Variants in KAZN observed in about 807,000 individuals in gnomAD.
KAZN encodes the protein kazrin.
A neutral mutation model predicts 87.4 loss-of-function variants in KAZN; 40 were observed. That is an observed-to-expected ratio of 0.46 (90% confidence interval 0.36 to 0.60). The LOEUF (loss-of-function observed/expected upper bound fraction) is 0.60. Ranked by LOEUF, KAZN falls within the 20% of genes least tolerant of loss-of-function variation. The pLI, the probability that KAZN is intolerant of heterozygous loss-of-function variation, is 0.00. For synonymous variants in KAZN, 466 were observed against 458.3 expected (o/e 1.02, Z -0.22); for missense variants, 898 against 1,073.9 (o/e 0.84, Z 2.29).
intron 2 of KAZN, among the ~76,000 whole-genome samples, chr1:14,550,744 A>ACC (rs1673464006): frequency 2.1e-4 from 4 of 19,438 alleles, no homozygotes; most frequent in Admixed American, 9.7e-4. Flanking sequence ...TCTCTCCCCC[A>ACC]CCCCGCCACC....
intron 1 of KAZN, among the ~76,000 whole-genome samples, chr1:14,077,680 T>C (rs1643514701): frequency 6.6e-6 from 1 of 152,220 alleles, no homozygotes; most frequent in South Asian, 2.1e-4. Context: ...CAAAAAGATA[T>C]GTGGAAATCC....
chr1:14,471,608 A>G (rs1291565399), intron 2 of KAZN, among the ~76,000 whole-genome samples: 9 of 152,096 alleles, frequency 5.9e-5, no homozygotes, highest in Admixed American at 5.9e-4. Context: ...ACCACCATGT[A>G]CCCAAGTACG....
chr1:14,796,070 G>A lies in KAZN; in HGVS notation c.227-164614G>A, dbSNP rs191761422. Among the ~76,000 whole-genome samples the A allele has an allele frequency of 3.0e-3, 454 of 152,300 alleles. 1 individual carries two copies. The highest frequency in any genetic ancestry group is 0.01 in the African/African-American group (430 of 41,548). ...AGGAATCTATCCTCTGCCTGAGGTA[G>A]GCCCCACTTCGCCTCTCTTCCTTCT... is the stretch of plus-strand genomic sequence containing the variant. On this transcript the variant is annotated intron_variant, in intron 1 of 14. Transcript: ENST00000376030.
chr1:14,828,025 A>G lies in KAZN; in HGVS notation c.227-132659A>G, dbSNP rs75930642. Among the ~76,000 whole-genome samples, 696 of 152,350 alleles carry G rather than the reference A, an allele frequency of 4.6e-3. 26 individuals are homozygous for G. In the East Asian group the frequency reaches 0.06, roughly 13 times the overall value. On this transcript the variant is annotated intron_variant, in intron 1 of 14. Transcript: ENST00000376030. ...CAGAGGTCCAATGCTTAAGCCAGAG[A>G]TGACAAATACTAGCACACAGGGCAT...
intron 1 of KAZN, among the ~76,000 whole-genome samples, chr1:13,981,128 T>TATATGTATATATA: frequency 7.4e-6 from 1 of 134,458 alleles, no homozygotes; most frequent in South Asian, 2.3e-4. Context: ...TAAACACAGA[T>TATATGTATATATA]TATATATAGT....
chr1:14,083,462 T>G (rs1440333732), intron 1 of KAZN, among the ~76,000 whole-genome samples: 1 of 152,232 alleles, frequency 6.6e-6, no homozygotes, highest in Non-Finnish European at 1.5e-5. Context: ...ATGTCTCATC[T>G]GAAAAGTGAG....
intron 1 of KAZN, among the ~76,000 whole-genome samples, chr1:14,845,186 G>T (rs1373318864): frequency 2.0e-5 from 3 of 150,710 alleles, no homozygotes; most frequent in Non-Finnish European, 4.4e-5. Context: ...TGGATGGATG[G>T]ATGGATGGAT....
At chr1:15,043,348 C>T (rs1395728096) in intron 3 of KAZN, among the ~76,000 whole-genome samples, 4 of 152,168 alleles carry the variant, frequency 2.6e-5, no homozygotes, top group Non-Finnish European at 4.4e-5. Flanking sequence ...ATTTCCCGCA[C>T]GTGAAGTCAT....
At position 14,659,408 on chromosome 1, in the gene KAZN, G is replaced by A. The variant is rs1160319484; in HGVS notation, c.226+60185G>A. Among the ~76,000 whole-genome samples, 5 of 152,102 alleles carry A rather than the reference G, an allele frequency of 3.3e-5. No homozygotes were observed. The South Asian group carries it at 1.0e-3, about 32-fold the overall frequency. The stretch of plus-strand genomic sequence containing the variant: ...TCTAGGACACTCTGGGGTTTTATGG[G>A]GGAGTCACATGGGGGGAAGTATTGG... On this transcript the variant is annotated intron_variant, in intron 1 of 14. Coordinates refer to ENST00000376030, the MANE Select transcript of KAZN (RefSeq NM_201628.3).
chr1:14,847,097 A>C (rs183840651), intron 1 of KAZN, among the ~76,000 whole-genome samples: 2 of 152,296 alleles, frequency 1.3e-5, no homozygotes, highest in East Asian at 3.9e-4. Context: ...TGAAGGACAA[A>C]TCATTGCTGT....
In KAZN at chr1:14,769,515, C is replaced by T. The variant is rs1226933838; in HGVS notation, c.226+170292C>T. 2.6e-5 allele frequency among the ~76,000 whole-genome samples: 4 copies of T among 152,084 alleles called. No individual in the cohort carries two copies. Among genetic ancestry groups the T allele is most frequent in the Admixed American group, 6.6e-5 (1 of 15,264 alleles). On this transcript the variant is annotated intron_variant, in intron 1 of 14. Transcript: ENST00000376030. The surrounding 1 kb of genome is among the most constrained non-coding windows in gnomAD (Gnocchi z 4.1). ...GATTACAGGCGCCCACCACCACGCCCGGCTAATTTTGTATTTTTAGTAGAG... is the reference window on the plus strand; with the variant it reads ...GATTACAGGCGCCCACCACCACGCCTGGCTAATTTTGTATTTTTAGTAGAG...
chr1:14,382,458 T>TCCCTACC (rs1553164585), intron 2 of KAZN, among the ~76,000 whole-genome samples: 7 of 38,006 alleles, frequency 1.8e-4, no homozygotes, highest in African/African-American at 9.7e-4. Flanking sequence ...CCCAATGCTA[T>TCCCTACC]CCCTCCCCCC....
intron 2 of KAZN, among the ~76,000 whole-genome samples, chr1:14,207,645 C>T (rs1309980047): frequency 6.6e-6 from 1 of 152,100 alleles, no homozygotes; most frequent in African/African-American, 2.4e-5. Flanking sequence ...AGTTTTTTGG[C>T]ACCCCTTTAA....
At chr1:14,742,827 G>C (rs1644147135) in intron 1 of KAZN, among the ~76,000 whole-genome samples, 1 of 152,224 alleles carries the variant, frequency 6.6e-6, no homozygotes. Flanking sequence ...ATGTAGAAGT[G>C]ACCCTGGAGT....
intron 2 of KAZN, among the ~76,000 whole-genome samples, chr1:14,256,032 T>C (rs1037662237): frequency 2.0e-5 from 3 of 152,208 alleles, no homozygotes. Flanking sequence ...CTTCTCTCCC[T>C]CCTAAGTGTC....
intron 2 of KAZN, among the ~76,000 whole-genome samples, chr1:14,406,153 T>C (rs963563793): frequency 3.9e-5 from 6 of 152,204 alleles, no homozygotes; most frequent in Non-Finnish European, 7.3e-5. Context: ...GGATACCCCA[T>C]TCTCCACAAT....
At chr1:14,363,787 CAGA>C (rs1330076877) in intron 2 of KAZN, among the ~76,000 whole-genome samples, 6 of 152,260 alleles carry the variant, frequency 3.9e-5, no homozygotes, top group East Asian at 3.9e-4. Flanking sequence ...TGGTCCTTTA[CAGA>C]AGAAGTTTGT....
chr1:14,439,749 G>C (rs1209081582), intron 2 of KAZN, among the ~76,000 whole-genome samples: 2 of 152,200 alleles, frequency 1.3e-5, no homozygotes, highest in African/African-American at 4.8e-5. Context: ...TGCCCAACAT[G>C]AGTGGGTCCC....
rs146971983 is a variant in KAZN, at chr1:14,447,001, G to A, written c.250-151982G>A. Among the ~76,000 whole-genome samples the A allele has an allele frequency of 1.4e-4, 21 of 152,176 alleles. No individual in the cohort carries two copies. The East Asian group carries it at 3.7e-3, about 27-fold the overall frequency. On this transcript the variant is annotated intron_variant, in intron 2 of 16. Coordinates refer to the KAZN transcript ENST00000636203. The stretch of plus-strand genomic sequence containing the variant: ...TGCTGAGGTTTGGGGTACAAATCCC[G>A]TCACCCAGTTAGTGAGCATAGTATG...
Sources: gnomAD v4.1 joint callset for allele counts (sites outside exome capture counted in the v4.1 genomes callset) on GRCh38, gnomAD v4.1.1 for gene constraint, Gnocchi (gnomAD v3.1) non-coding constraint, MANE v1.5 for transcripts, NCBI Gene and HGNC (gene_info 2026-07-23, HGNC 2026-07-21) for gene names.